ANKRD31: variants seen among roughly 807,000 people sequenced by gnomAD.
ANKRD31 encodes ankyrin repeat domain 31.
A neutral mutation model predicts 186.0 loss-of-function variants in ANKRD31; 147 were observed. The ratio of observed to expected loss-of-function variants is 0.79; its 90% CI spans 0.69 to 0.91. The LOEUF is 0.91. ANKRD31 is among the 40% of genes least tolerant of loss of function. The probability of loss-of-function intolerance (pLI) is 0.00; values close to 1 mark genes in which losing one functional copy is unlikely to be tolerated. For missense variants in ANKRD31, 1,986 were observed against 2,148.8 expected, an observed-to-expected ratio of 0.92 and a Z score of 1.50; for synonymous variants, 673 against 736.4, an observed-to-expected ratio of 0.91 and a Z score of 1.39.
At chr5:75,082,597 C>T (rs1390669083) in intron 24 of ANKRD31, among the ~76,000 whole-genome samples, 1 of 152,116 alleles carries the variant, frequency 6.6e-6, no homozygotes, top group Non-Finnish European at 1.5e-5. Flanking sequence ...AAAGGCTATT[C>T]CATCTGATAA....
intron 5 of ANKRD31, among the ~76,000 whole-genome samples, chr5:75,200,816 G>A (rs1476093137): frequency 6.6e-6 from 1 of 151,468 alleles, no homozygotes; most frequent in Non-Finnish European, 1.5e-5. Context: ...GGAGGCTGAG[G>A]CATGAGAATT....
intron 15 of ANKRD31, among the ~76,000 whole-genome samples, chr5:75,140,286 A>G (rs866492486): frequency 9.2e-5 from 13 of 140,952 alleles, no homozygotes; most frequent in East Asian, 2.2e-4. Context: ...AGAGAGAAAG[A>G]AAGGAAGGAA....
chr5:75,212,227 T>C (rs1478080194), intron 3 of ANKRD31, among the ~76,000 whole-genome samples: 2 of 152,140 alleles, frequency 1.3e-5, no homozygotes, highest in African/African-American at 4.8e-5. Flanking sequence ...CATTAATATG[T>C]GATGATTCTG....
chr5:75,076,307 G>C (rs1580272726), intron 25 of ANKRD31, among the ~76,000 whole-genome samples: 1 of 152,122 alleles, frequency 6.6e-6, no homozygotes, highest in African/African-American at 2.4e-5. Context: ...TATCTAACTT[G>C]TCTACAAATT....
At chr5:75,190,820 A>C (rs964400810) in intron 9 of ANKRD31, among the ~76,000 whole-genome samples, 9 of 152,108 alleles carry the variant, frequency 5.9e-5, no homozygotes, top group African/African-American at 1.9e-4. Context: ...CATCACCACC[A>C]TTAAGGCCAT....
chr5:75,131,454 G>C (rs1371367616), intron 17 of ANKRD31, among the ~76,000 whole-genome samples: 2 of 152,200 alleles, frequency 1.3e-5, no homozygotes, highest in African/African-American at 2.4e-5. Context: ...TGGCAGCGAG[G>C]CTGGGGGAGG....
intron 11 of ANKRD31, among the ~76,000 whole-genome samples, chr5:75,167,646 C>G (rs1296692003): frequency 6.6e-6 from 1 of 152,152 alleles, no homozygotes; most frequent in Non-Finnish European, 1.5e-5. Context: ...AGGCCTGTGT[C>G]TTTGGTTCCT....
chr5:75,106,915 A>C (rs913354084), intron 21 of ANKRD31, among the ~76,000 whole-genome samples: 1 of 152,028 alleles, frequency 6.6e-6, no homozygotes, highest in African/African-American at 2.4e-5. Context: ...ATAGGAGAAG[A>C]ATATATAAGG....
At chr5:75,091,163 G>A in intron 23 of ANKRD31, 98 bp downstream of exon 23, 1 of 1,336,332 alleles carries the variant, frequency 7.5e-7, no homozygotes, top group Non-Finnish European at 1.0e-6. Flanking sequence ...AAACTAGCTT[G>A]GAGATCTTTC....
chr5:75,075,694 T>C (rs1744583155), intron 25 of ANKRD31, among the ~76,000 whole-genome samples: 4 of 152,284 alleles, frequency 2.6e-5, no homozygotes, highest in African/African-American at 7.2e-5. Context: ...TGAAGAGAGA[T>C]GGGAACAGAT....
chr5:75,179,652 T>C (rs903110806), intron 10 of ANKRD31, among the ~76,000 whole-genome samples: 4 of 152,188 alleles, frequency 2.6e-5, no homozygotes, highest in Non-Finnish European at 5.9e-5. Context: ...TCTCAATAGA[T>C]GCAGAAAAGG....
At position 75,206,454 on chromosome 5, in the gene ANKRD31, C is replaced by T. The variant is rs768623044; in HGVS notation, c.360G>A (p.Ser120=). The T allele has an allele frequency of 4.8e-5, 71 of 1,476,326 alleles. No individual in the cohort carries two copies. The highest frequency in any genetic ancestry group is 5.4e-5 in the Non-Finnish European group (61 of 1,119,924). 91.5% of individuals were successfully genotyped at this position (1,476,326 alleles called of 1,614,324 possible). A position where few individuals can be genotyped will look rare whatever the true frequency, so the allele number is the denominator to read the frequency against. ...TRKNCSMFIG[S]FRQSGLSLNH... ...TCAATGAAAGTCCAGACTGGCGAAA[C>T]GACCCAATGAACATTGAACAGTTTT... Residue 120 remains serine, a synonymous_variant, in exon 5 of 26, where the codon TCG becomes TCA. Transcript: ENST00000506364.
intron 3 of ANKRD31, among the ~76,000 whole-genome samples, chr5:75,216,862 G>A (rs1043839668): frequency 6.6e-6 from 1 of 152,082 alleles, no homozygotes; most frequent in Non-Finnish European, 1.5e-5. Context: ...TGGGTGTTCA[G>A]TGCTATAAAT....
chr5:75,096,352 T>A (rs970843077), intron 22 of ANKRD31, among the ~76,000 whole-genome samples: 3 of 152,234 alleles, frequency 2.0e-5, no homozygotes, highest in African/African-American at 7.2e-5. Flanking sequence ...CACTTTTTAA[T>A]GGGATCATTT....
Position 75,147,086 on chromosome 5 carries a change from G to A in ANKRD31, c.2325C>T (p.Asp775=). ...YQQHIPETHN[D]LPEELCEPSS... ...AAGGTTCACACAATTCTTCTGGAAG[G>A]TCATTATGAGTTTCTGGAATATGCT... The change falls in exon 14 of 26, where the codon GAC becomes GAT. Residue 775 remains aspartate, a synonymous_variant. Coordinates refer to ENST00000506364, the MANE Select transcript of ANKRD31 (RefSeq NM_001372053.1). 2 of 1,536,356 alleles carry A rather than the reference G, an allele frequency of 1.3e-6. No homozygotes were observed. Among genetic ancestry groups the A allele is most frequent in the Non-Finnish European group, 1.7e-6 (2 of 1,146,352 alleles).
At chr5:75,203,093 T>C (rs566978681) in intron 5 of ANKRD31, among the ~76,000 whole-genome samples, 1 of 152,270 alleles carries the variant, frequency 6.6e-6, no homozygotes, top group Admixed American at 6.5e-5. Context: ...ACTATAGGCA[T>C]GCACTACCTC....
At chr5:75,196,837 C>G (rs1755498556) in intron 6 of ANKRD31, among the ~76,000 whole-genome samples, 1 of 152,154 alleles carries the variant, frequency 6.6e-6, no homozygotes, top group Non-Finnish European at 1.5e-5. Context: ...ACTATTATTT[C>G]TCTAAGACAT....
chr5:75,219,839 A>G (rs998627149), intron 3 of ANKRD31, among the ~76,000 whole-genome samples: 14 of 152,194 alleles, frequency 9.2e-5, no homozygotes, highest in Admixed American at 1.3e-4. Context: ...ACAGCTACAC[A>G]TCTATGACCA....
intron 12 of ANKRD31, 73 bp from the exon 13 acceptor site, chr5:75,148,701 T>C (rs1751654330): frequency 4.3e-6 from 5 of 1,158,074 alleles, no homozygotes; most frequent in Middle Eastern, 2.0e-4. Flanking sequence ...AACCCACCAG[T>C]CCTTTGCCAC....
Sources: allele counts gnomAD v4.1 joint callset (sites outside exome capture counted in the v4.1 genomes callset), GRCh38; gene constraint gnomAD v4.1.1; transcripts MANE v1.5; gene names NCBI Gene and HGNC (gene_info 2026-07-23, HGNC 2026-07-21).